Variants in SLC16A7 observed in about 807,000 individuals in gnomAD.
SLC16A7 encodes the protein monocarboxylate transporter 2.
A neutral mutation model predicts 34.9 loss-of-function variants in SLC16A7; 33 were observed. That is an observed-to-expected ratio of 0.94 (90% CI 0.72 to 1.26). SLC16A7 has a LOEUF of 1.26. SLC16A7 is among the 50% of genes most tolerant of loss of function. The pLI is 0.00. For synonymous variants in SLC16A7, 201 were observed against 206.6 expected (o/e 0.97, Z 0.23); for missense variants, 573 against 578.1 (o/e 0.99, Z 0.09).
chr12:59,755,304 G>C (rs1337581625), intron 3 of SLC16A7, among the ~76,000 whole-genome samples: 1 of 152,142 alleles, frequency 6.6e-6, no homozygotes, highest in African/African-American at 2.4e-5. Flanking sequence ...AGGAAAAGAG[G>C]AAGTTAAATT....
At chr12:59,720,286 G>T in intron 3 of SLC16A7, 2 of 508,090 alleles carry the variant, frequency 3.9e-6, no homozygotes, top group African/African-American at 2.0e-5. Context: ...TCATAAATTT[G>T]GTCTATGTTT....
intron 2 of SLC16A7, among the ~76,000 whole-genome samples, chr12:59,701,105 A>T (rs1263893062): frequency 6.6e-6 from 1 of 151,756 alleles, no homozygotes; most frequent in Non-Finnish European, 1.5e-5. Flanking sequence ...TCTCTTCAAA[A>T]ATGTAATTTT....
intron 1 of SLC16A7, among the ~76,000 whole-genome samples, chr12:59,603,894 T>TGAC (rs1878808920): frequency 1.3e-5 from 2 of 152,242 alleles, no homozygotes; most frequent in East Asian, 3.8e-4. Context: ...TTAAAGGCAG[T>TGAC]TCTACTTGTG....
chr12:59,636,358 A>T lies in SLC16A7; in HGVS notation c.-129-18794A>T, dbSNP rs558292782. 1.3e-3 allele frequency among the ~76,000 whole-genome samples: 203 copies of T among 152,190 alleles called. 1 individual carries two copies. Among genetic ancestry groups the T allele is most frequent in the Non-Finnish European group, 2.3e-3 (158 of 68,032 alleles). On this transcript the variant is annotated intron_variant, in intron 1 of 5. Transcript: ENST00000547379. ...TATTCTCTTTTTTTCTAATGTATGG[A>T]ACAAAAGTATTTTAGGCCTTTTCTG... is the stretch of plus-strand genomic sequence containing the variant.
At position 59,757,401 on chromosome 12, in the gene SLC16A7, AT is replaced by A. The variant is rs541283659; in HGVS notation, c.218-13817del. ...CATGTATCCCAGAACTTTAATAATA[AT>A]AAAAAAAGAAGACAAAGTAGTTCCA... On this transcript the variant is annotated intron_variant, in intron 3 of 5. Coordinates refer to ENST00000547379, the MANE Select transcript of SLC16A7 (RefSeq NM_001270623.2). Among the ~76,000 whole-genome samples, 15 of 152,264 alleles carry A rather than the reference AT, an allele frequency of 9.9e-5. No individual in the cohort carries two copies. In the South Asian group the frequency reaches 2.9e-3, roughly 29 times the overall value.
chr12:59,720,309 T>C, intron 3 of SLC16A7: 1 of 512,268 alleles, frequency 2.0e-6, no homozygotes. Flanking sequence ...TTGAAATAGG[T>C]TTTTAGTCTT....
chr12:59,608,161 T>G (rs1879031273), intron 1 of SLC16A7, among the ~76,000 whole-genome samples: 1 of 152,220 alleles, frequency 6.6e-6, no homozygotes, highest in South Asian at 2.1e-4. Context: ...TTTGTCACTT[T>G]CTGCCCACAA....
intron 2 of SLC16A7, among the ~76,000 whole-genome samples, chr12:59,667,835 C>T (rs1207990660): frequency 1.3e-5 from 2 of 152,182 alleles, no homozygotes; most frequent in East Asian, 3.9e-4. Context: ...AAAATGGTTT[C>T]CCGGACGGGG....
intron 3 of SLC16A7, among the ~76,000 whole-genome samples, chr12:59,712,317 G>A (rs1481272318): frequency 6.6e-6 from 1 of 151,672 alleles, no homozygotes; most frequent in African/African-American, 2.4e-5. Context: ...AAATAAATAG[G>A]GTCAATAATC....
rs140406990 is a variant in SLC16A7 at position 59,749,447 on chromosome 12, G to A, written c.218-21772G>A. Among the ~76,000 whole-genome samples the A allele has an allele frequency of 1.1e-3, 170 of 152,208 alleles. 2 individuals carry two copies. Among genetic ancestry groups the A allele is most frequent in the African/African-American group, 4.0e-3 (166 of 41,524 alleles). On this transcript the variant is annotated intron_variant, in intron 3 of 5. Coordinates refer to ENST00000547379, the MANE Select transcript of SLC16A7 (RefSeq NM_001270623.2). ...TGACCTTGACCACCCAAAACCCCAC[G>A]AATTCAGTGCCAAAGGTGTCGAAGT...
chr12:59,697,786 T>C (rs1483818429), intron 2 of SLC16A7, among the ~76,000 whole-genome samples: 1 of 151,834 alleles, frequency 6.6e-6, no homozygotes, highest in Non-Finnish European at 1.5e-5. Flanking sequence ...TTTCTGTTTA[T>C]CTTTGTTACA....
chr12:59,706,354 A>G (rs1873567393), intron 3 of SLC16A7, among the ~76,000 whole-genome samples: 1 of 130,092 alleles, frequency 7.7e-6, no homozygotes, highest in African/African-American at 3.2e-5. Context: ...TGATCCTGAA[A>G]TAATTCCCTG....
chr12:59,735,813 AT>A, intron 3 of SLC16A7: 2 of 254,736 alleles, frequency 7.9e-6, no homozygotes, highest in Non-Finnish European at 1.3e-5. Context: ...AATAAGTAAT[AT>A]ATTATAAATT....
At chr12:59,598,761 G>C (rs1199238721) in intron 1 of SLC16A7, among the ~76,000 whole-genome samples, 1 of 152,130 alleles carries the variant, frequency 6.6e-6, no homozygotes. Context: ...CATTATTTGA[G>C]AGAAGAGTTT....
chr12:59,727,405 A>G lies in SLC16A7; in HGVS notation c.217+22387A>G, dbSNP rs528206325. ...ATTTTGCAGCATTGGGACACTGTTG[A>G]GATTACATTTGAAGTTTGATATCAT... On this transcript the variant is annotated intron_variant, in intron 3 of 5. Coordinates refer to ENST00000547379, the MANE Select transcript of SLC16A7 (RefSeq NM_001270623.2). Among the ~76,000 whole-genome samples the G allele has an allele frequency of 3.3e-5, 5 of 152,176 alleles. No homozygotes were observed. In the East Asian group the frequency reaches 9.7e-4, roughly 29 times the overall value.
At chr12:59,763,905 T>C (rs1881272058) in intron 3 of SLC16A7, 1 of 152,144 alleles carries the variant, frequency 6.6e-6, no homozygotes, top group Non-Finnish European at 1.5e-5. Context: ...TTGTGTGCAT[T>C]ATCACTACTC....
intron 3 of SLC16A7, among the ~76,000 whole-genome samples, chr12:59,707,590 T>A (rs1437705436): frequency 6.6e-6 from 1 of 152,118 alleles, no homozygotes; most frequent in Non-Finnish European, 1.5e-5. Context: ...AAATGGTAGT[T>A]TGTTAAAATA....
At chr12:59,684,522 G>A (rs922823209) in intron 2 of SLC16A7, among the ~76,000 whole-genome samples, 1 of 152,112 alleles carries the variant, frequency 6.6e-6, no homozygotes, top group African/African-American at 2.4e-5. Context: ...GAATGGGGTT[G>A]GTAAACCAAA....
At chr12:59,717,350 A>G (rs942586171) in intron 3 of SLC16A7, among the ~76,000 whole-genome samples, 4 of 152,196 alleles carry the variant, frequency 2.6e-5, no homozygotes, top group African/African-American at 9.7e-5. Flanking sequence ...GGGCGCCAGG[A>G]GTATTTCATG....
Sources: gnomAD v4.1 joint callset for allele counts (sites outside exome capture counted in the v4.1 genomes callset) on GRCh38, gnomAD v4.1.1 for gene constraint, MANE v1.5 for transcripts, NCBI Gene and HGNC (gene_info 2026-07-23, HGNC 2026-07-21) for gene names.